Variants in SLC9A2 observed in about 807,000 individuals in gnomAD.
The protein encoded by SLC9A2 is sodium/hydrogen exchanger 2.
A neutral mutation model predicts 71.7 loss-of-function variants in SLC9A2; 42 were observed. The observed-to-expected ratio is 0.59, with a 90% CI of 0.46 to 0.76. The LOEUF is 0.76. Ranked by LOEUF, SLC9A2 falls within the 30% of genes least tolerant of loss-of-function variation. SLC9A2 has a pLI of 0.00. For synonymous variants in SLC9A2, 396 were observed against 392.5 expected (o/e 1.01, Z -0.10); for missense variants, 829 against 1,017.4 (o/e 0.81, Z 2.52).
At chr2:102,658,135 G>A (rs1676982100) in intron 2 of SLC9A2, 108 bp downstream of exon 2, 2 of 774,366 alleles carry the variant, frequency 2.6e-6, no homozygotes, top group South Asian at 1.7e-5. Context: ...ACACAGGGTG[G>A]TTTCATGAGC....
intron 5 of SLC9A2, among the ~76,000 whole-genome samples, chr2:102,692,604 C>A (rs935175315): frequency 8.5e-5 from 13 of 152,160 alleles, no homozygotes; most frequent in Non-Finnish European, 1.5e-4. Flanking sequence ...GCCAGTAATG[C>A]ATTACTTTAA....
chr2:102,632,067 CAT>C (rs1558701365), intron 1 of SLC9A2, among the ~76,000 whole-genome samples: 5 of 113,204 alleles, frequency 4.4e-5, no homozygotes, highest in African/African-American at 4.0e-5. Flanking sequence ...TATACACACA[CAT>C]ATATATACAC....
intron 1 of SLC9A2, among the ~76,000 whole-genome samples, chr2:102,620,656 C>T (rs1352011761): frequency 1.3e-5 from 2 of 152,190 alleles, no homozygotes; most frequent in Non-Finnish European, 1.5e-5. Context: ...CGCCCTTTCT[C>T]CTCCCTCTAT....
In SLC9A2 at chr2:102,694,475, A is replaced by G; in HGVS notation, c.1487A>G (p.Gln496Arg). 6.5e-7 allele frequency: 1 copy of G among 1,543,056 alleles called. No homozygotes were observed. Among genetic ancestry groups the G allele is most frequent in the Non-Finnish European group, 8.8e-7 (1 of 1,133,618 alleles). ...GTCAAGAGGTCCAATAAGAAACAAC[A>G]AGCTGTCAGTGAAGAAATCTATTGT... ...LDVKRSNKKQ[Q>R]AVSEEIYCRL... The change falls in exon 6 of 12, where the codon CAA becomes CGA. Residue 496 changes from glutamine to arginine, a missense_variant. Transcript: ENST00000233969.
At chr2:102,634,034 G>T (rs540775556) in intron 1 of SLC9A2, among the ~76,000 whole-genome samples, 2 of 152,266 alleles carry the variant, frequency 1.3e-5, no homozygotes, top group East Asian at 3.9e-4. Flanking sequence ...CTGGAACAAG[G>T]CCTGGTACAT....
At position 102,673,221 on chromosome 2, in the gene SLC9A2, A is replaced by C. The variant is rs559998812; in HGVS notation, c.1004+7871A>C. Among the ~76,000 whole-genome samples the C allele has an allele frequency of 2.6e-5, 4 of 152,318 alleles. No homozygotes were observed. In the South Asian group the frequency reaches 8.3e-4, roughly 32 times the overall value. The stretch of plus-strand genomic sequence containing the variant: ...TATACTGGGTACTCAATGAATAATA[A>C]TATAAGTTTAAGTGAAACACAAGCA... On this transcript the variant is annotated intron_variant, in intron 3 of 11. Coordinates refer to ENST00000233969, the MANE Select transcript of SLC9A2 (RefSeq NM_003048.6).
intron 1 of SLC9A2, among the ~76,000 whole-genome samples, chr2:102,639,191 A>G (rs1358270637): frequency 6.6e-6 from 1 of 152,240 alleles, no homozygotes; most frequent in African/African-American, 2.4e-5. Flanking sequence ...CTAAAAAAAT[A>G]GAAACCTGCA....
chr2:102,689,036 T>C (rs1307174716), intron 5 of SLC9A2, among the ~76,000 whole-genome samples: 1 of 152,206 alleles, frequency 6.6e-6, no homozygotes, highest in African/African-American at 2.4e-5. Context: ...TTTATTATAC[T>C]TGTAAGCTAA....
At chr2:102,703,023 G>A (rs1294724287) in intron 9 of SLC9A2, among the ~76,000 whole-genome samples, 1 of 152,104 alleles carries the variant, frequency 6.6e-6, no homozygotes, top group African/African-American at 2.4e-5. Context: ...TCCAGTGAGT[G>A]GTAGGTGTTA....
chr2:102,707,162 C>T (rs1053692049), intron 11 of SLC9A2, among the ~76,000 whole-genome samples: 1 of 152,146 alleles, frequency 6.6e-6, no homozygotes, highest in Non-Finnish European at 1.5e-5. Flanking sequence ...ATGCTCACTA[C>T]TTGGGTGATG....
chr2:102,704,467 A>G lies in SLC9A2; in HGVS notation c.1846-77A>G, dbSNP rs1044416628. The G allele has an allele frequency of 2.1e-6, 3 of 1,436,978 alleles. No homozygotes were observed. The African/African-American group carries it at 4.2e-5, about 20-fold the overall frequency. 89.0% of individuals were successfully genotyped at this position (1,436,978 alleles called of 1,614,324 possible). A position where few individuals can be genotyped will look rare whatever the true frequency, so the allele number is the denominator to read the frequency against. Reference sequence around the variant, plus strand: ...GGTGCAGATCCAAAGAAATGTGGTAAAGTCTTGGAATTTCTGGGGGAAATG... The same window carrying G: ...GGTGCAGATCCAAAGAAATGTGGTAGAGTCTTGGAATTTCTGGGGGAAATG... On this transcript the variant is annotated intron_variant, in intron 9 of 11. Transcript: ENST00000233969.
chr2:102,673,818 A>C (rs367963276), intron 3 of SLC9A2, among the ~76,000 whole-genome samples: 1 of 148,678 alleles, frequency 6.7e-6, no homozygotes, highest in African/African-American at 2.5e-5. Flanking sequence ...ACCGAGTCTC[A>C]CTCTGTCGCC....
At chr2:102,651,030 T>G (rs940338747) in intron 1 of SLC9A2, among the ~76,000 whole-genome samples, 4 of 152,224 alleles carry the variant, frequency 2.6e-5, no homozygotes, top group Non-Finnish European at 5.9e-5. Flanking sequence ...CACATTTGTT[T>G]GAACCTCAAA....
intron 1 of SLC9A2, among the ~76,000 whole-genome samples, chr2:102,632,136 ATG>A (rs1491248013): frequency 0.01 from 665 of 63,494 alleles, 10 homozygotes; most frequent in African/African-American, 0.033. Flanking sequence ...ATACATATAT[ATG>A]TATATATACA....
intron 1 of SLC9A2, among the ~76,000 whole-genome samples, chr2:102,653,446 T>C (rs551825801): frequency 6.6e-6 from 1 of 152,362 alleles, no homozygotes; most frequent in Non-Finnish European, 1.5e-5. Flanking sequence ...TTCTGGTCGG[T>C]CTTCATTCTA....
chr2:102,674,497 A>G (rs1677314360), intron 3 of SLC9A2, among the ~76,000 whole-genome samples: 1 of 152,174 alleles, frequency 6.6e-6, no homozygotes, highest in Non-Finnish European at 1.5e-5. Flanking sequence ...CCCTCACCTC[A>G]ATCAAACATG....
At position 102,620,212 on chromosome 2, in the gene SLC9A2, A is replaced by C. The variant is rs891222449; in HGVS notation, c.289+75A>C. The C allele has an allele frequency of 5.2e-6, 7 of 1,339,094 alleles. No individual in the cohort carries two copies. In the African/African-American group the frequency reaches 1.0e-4, roughly 19 times the overall value. The allele number at this position is 1,339,094 out of a possible 1,614,324, so 83.0% of individuals were successfully genotyped here. ...CACCTGGAGGGTGACCGGGTCAGCC[A>C]GCTGACCTCTAGATAGTGACCGCCT... On this transcript the variant is annotated intron_variant, in intron 1 of 11. Coordinates refer to ENST00000233969, the MANE Select transcript of SLC9A2 (RefSeq NM_003048.6).
chr2:102,645,674 G>A (rs573568980), intron 1 of SLC9A2, among the ~76,000 whole-genome samples: 64 of 151,902 alleles, frequency 4.2e-4, no homozygotes, highest in Admixed American at 7.2e-4. Context: ...GTCAATAGCC[G>A]AATTAATCAA....
intron 8 of SLC9A2, among the ~76,000 whole-genome samples, chr2:102,701,512 A>C (rs2104554141): frequency 6.6e-6 from 1 of 152,278 alleles, no homozygotes; most frequent in East Asian, 1.9e-4. Flanking sequence ...ATGTTTACAG[A>C]CACCTTATTT....
Sources: allele counts gnomAD v4.1 joint callset (sites outside exome capture counted in the v4.1 genomes callset), GRCh38; gene constraint gnomAD v4.1.1; transcripts MANE v1.5; gene names NCBI Gene and HGNC (gene_info 2026-07-23, HGNC 2026-07-21).